VDR: variants seen among roughly 807,000 people sequenced by gnomAD.
VDR encodes the protein vitamin D receptor.
In VDR, 19 loss-of-function variants were observed where a neutral mutation model predicts 39.7. That is an observed-to-expected ratio of 0.48 (90% CI 0.33 to 0.70). The LOEUF (loss-of-function observed/expected upper bound fraction) is 0.70, where lower values mean the gene tolerates loss of function less well. Among genes scored for constraint, VDR ranks in the 30% least tolerant of loss-of-function variants. VDR has a pLI of 0.02. For missense variants in VDR, 442 were observed against 570.5 expected (o/e 0.77, Z 2.29); for synonymous variants, 242 against 215.8 (o/e 1.12, Z -1.07).
At chr12:47,903,847 G>C (rs759988469) in intron 1 of VDR, among the ~76,000 whole-genome samples, 9 of 152,102 alleles carry the variant, frequency 5.9e-5, no homozygotes, top group Non-Finnish European at 1.0e-4. Flanking sequence ...ATCCCTTCAC[G>C]GTCACCTCCT....
chr12:47,855,593 C>G (rs1012687939), intron 7 of VDR, 37 bp downstream of exon 7: 14 of 1,613,028 alleles, frequency 8.7e-6, no homozygotes, highest in Non-Finnish European at 1.2e-5. Context: ...GTCTAGGACT[C>G]TGACTCTGTT....
intron 3 of VDR, among the ~76,000 whole-genome samples, chr12:47,869,168 C>G (rs1565620974): frequency 6.6e-6 from 1 of 152,216 alleles, no homozygotes; most frequent in Non-Finnish European, 1.5e-5. Context: ...AGCTCCATCT[C>G]AGATGTCTAT....
intron 3 of VDR, among the ~76,000 whole-genome samples, chr12:47,870,710 G>A (rs2238138): frequency 0.29 from 44,846 of 152,048 alleles, 6,900 homozygotes; most frequent in Non-Finnish European, 0.33. Context: ...TAACCCAGGC[G>A]TAGGGTCAAC....
chr12:47,854,857 T>C (rs945877998), intron 7 of VDR, among the ~76,000 whole-genome samples: 4 of 152,270 alleles, frequency 2.6e-5, no homozygotes, highest in Admixed American at 1.3e-4. Flanking sequence ...CCAGAGATTC[T>C]GATTTCGCAG....
intron 1 of VDR, among the ~76,000 whole-genome samples, chr12:47,890,285 A>G (rs1033935671): frequency 6.6e-6 from 1 of 150,630 alleles, no homozygotes; most frequent in Non-Finnish European, 1.5e-5. Context: ...GGACTATTTC[A>G]ACTGCCACGA....
rs186192122 is a variant in VDR at position 47,885,720 on chromosome 12, C to T, written c.-83-2946G>A. 2.0e-4 allele frequency among the ~76,000 whole-genome samples: 31 copies of T among 152,266 alleles called. No individual in the cohort carries two copies. In the South Asian group the frequency reaches 5.8e-3, roughly 28 times the overall value. ...ACTATTTTTTTTTCTTTTTAAGAGA[C>T]AAGGTCTCCTCTGTTACCCAGGCTA... On this transcript the variant is annotated intron_variant, in intron 1 of 9. Transcript: ENST00000549336.
At chr12:47,889,850 G>A (rs1037018520) in intron 1 of VDR, among the ~76,000 whole-genome samples, 4 of 152,190 alleles carry the variant, frequency 2.6e-5, no homozygotes, top group African/African-American at 9.7e-5. Flanking sequence ...AAGACAGCGG[G>A]AGAAAGCTGC....
At chr12:47,846,843 A>T in intron 7 of VDR, 35 bp from the exon 8 acceptor site, 1 of 1,613,434 alleles carries the variant, frequency 6.2e-7, no homozygotes, top group Non-Finnish European at 8.5e-7. Flanking sequence ...TCAGGTTACC[A>T]GTAAACGCCT....
intron 1 of VDR, among the ~76,000 whole-genome samples, chr12:47,884,258 G>A (rs2137216836): frequency 6.6e-6 from 1 of 152,316 alleles, no homozygotes; most frequent in East Asian, 1.9e-4. Flanking sequence ...TAAAAAAAAT[G>A]TTTCCGGAGT....
At chr12:47,852,202 A>C (rs1592101773) in intron 7 of VDR, among the ~76,000 whole-genome samples, 1 of 152,156 alleles carries the variant, frequency 6.6e-6, no homozygotes, top group East Asian at 1.9e-4. Flanking sequence ...ACCTGGAATC[A>C]CTGTATCTGG....
intron 2 of VDR, among the ~76,000 whole-genome samples, chr12:47,882,026 T>C (rs895415542): frequency 6.6e-6 from 1 of 152,228 alleles, no homozygotes; most frequent in Non-Finnish European, 1.5e-5. Context: ...GGAATATCTG[T>C]TAAATCAGTC....
At chr12:47,850,134 G>A (rs1335456297) in intron 7 of VDR, among the ~76,000 whole-genome samples, 1 of 152,162 alleles carries the variant, frequency 6.6e-6, no homozygotes, top group South Asian at 2.1e-4. Context: ...TTATAGGTGT[G>A]AGCCACCGTG....
At chr12:47,867,184 T>C (rs1945754927) in intron 3 of VDR, among the ~76,000 whole-genome samples, 1 of 151,912 alleles carries the variant, frequency 6.6e-6, no homozygotes, top group Non-Finnish European at 1.5e-5. Context: ...TGAAACCCCA[T>C]CTCTACTAAA....
rs80249036 is a variant in VDR at position 47,875,250 on chromosome 12, C to A, written c.146+3718G>T. Among the ~76,000 whole-genome samples, 1,133 of 152,294 alleles carry A rather than the reference C, an allele frequency of 7.4e-3. 21 individuals carry two copies. Among genetic ancestry groups the A allele is most frequent in the African/African-American group, 0.026 (1,069 of 41,556 alleles). On this transcript the variant is annotated intron_variant, in intron 3 of 9. Transcript: ENST00000549336. ...CAGTTTAGTTAACTATCTTAGAAGC[C>A]AAACCAAATACTAAATGGTCAAATG...
Position 47,856,492 on chromosome 12 carries a change from T to C in VDR, c.583+637A>G, listed in dbSNP as rs375554998. Among the ~76,000 whole-genome samples the C allele has an allele frequency of 9.9e-5, 15 of 152,258 alleles. No individual in the cohort carries two copies. The South Asian group carries it at 2.5e-3, about 25-fold the overall frequency. ...TACATTATTGTATTCCAGAATACTATGCAGCCCTTAAAAATTATATTCTGG... is the reference window on the plus strand; with the variant it reads ...TACATTATTGTATTCCAGAATACTACGCAGCCCTTAAAAATTATATTCTGG... On this transcript the variant is annotated intron_variant, in intron 6 of 9. Transcript: ENST00000549336.
At chr12:47,864,783 C>T (rs1945694303) in intron 4 of VDR, among the ~76,000 whole-genome samples, 1 of 152,222 alleles carries the variant, frequency 6.6e-6, no homozygotes, top group African/African-American at 2.4e-5. Context: ...TCCTCTCAGG[C>T]CCCACTCTGG....
At chr12:47,855,264 G>A (rs1438781975) in intron 7 of VDR, among the ~76,000 whole-genome samples, 1 of 152,094 alleles carries the variant, frequency 6.6e-6, no homozygotes, top group Admixed American at 6.5e-5. Flanking sequence ...GGAGGCGGAG[G>A]TTATAGTGAG....
intron 1 of VDR, among the ~76,000 whole-genome samples, chr12:47,900,322 C>A (rs1252338584): frequency 6.6e-6 from 1 of 152,178 alleles, no homozygotes; most frequent in East Asian, 1.9e-4. Context: ...GTACATCTAA[C>A]CTCTCAGCTC....
chr12:47,895,054 G>A (rs966251748), intron 1 of VDR, among the ~76,000 whole-genome samples: 4 of 152,346 alleles, frequency 2.6e-5, no homozygotes, highest in East Asian at 1.9e-4. Flanking sequence ...TGTTGTGTCA[G>A]CTGAGATAAA....
Sources: allele counts gnomAD v4.1 joint callset (sites outside exome capture counted in the v4.1 genomes callset), GRCh38; gene constraint gnomAD v4.1.1; transcripts MANE v1.5; gene names NCBI Gene and HGNC (gene_info 2026-07-23, HGNC 2026-07-21).